The following C4orf33 variants were observed in gnomAD, a reference collection of about 807,000 sequenced individuals.
C4orf33 encodes UPF0462 protein C4orf33.
Under a neutral mutation model 24.3 loss-of-function variants are expected in C4orf33, and 20 were observed. That is an observed-to-expected ratio of 0.82 (90% CI 0.58 to 1.19). C4orf33 has a LOEUF of 1.19. Ranked by LOEUF, C4orf33 falls within the 50% of genes most tolerant of loss-of-function variation. C4orf33 has a pLI of 0.00. For synonymous variants in C4orf33, 67 were observed against 76.4 expected (o/e 0.88, Z 0.64); for missense variants, 207 against 225.9 (o/e 0.92, Z 0.54).
At chr4:129,101,234 T>A (rs764667578) in intron 1 of C4orf33, among the ~76,000 whole-genome samples, 62 of 152,218 alleles carry the variant, frequency 4.1e-4, no homozygotes, top group Non-Finnish European at 7.8e-4. Context: ...TTTCTTATGT[T>A]ACACAGAGCT....
intron 2 of C4orf33, among the ~76,000 whole-genome samples, chr4:129,105,054 A>G (rs13114398): frequency 0.15 from 23,075 of 151,842 alleles, 1,852 homozygotes; most frequent in South Asian, 0.21. Flanking sequence ...GTATGTACCT[A>G]TCTATTTTAT....
At chr4:129,100,658 T>G (rs1023609157) in intron 1 of C4orf33, 2 of 152,216 alleles carry the variant, frequency 1.3e-5, no homozygotes, top group African/African-American at 4.8e-5. Context: ...ATCTCTTTAA[T>G]GTATGCAGAA....
chr4:129,098,609 G>T (rs928255217), intron 1 of C4orf33, among the ~76,000 whole-genome samples: 1 of 152,212 alleles, frequency 6.6e-6, no homozygotes, highest in African/African-American at 2.4e-5. Flanking sequence ...CTTCATGCAG[G>T]AAAGGATTCA....
rs564674717 is a variant in C4orf33, at chr4:129,106,238, C to A, written c.182-349C>A. Among the ~76,000 whole-genome samples, 95 of 152,016 alleles carry A rather than the reference C, an allele frequency of 6.2e-4. 1 individual carries two copies. Among genetic ancestry groups the A allele is most frequent in the Non-Finnish European group, 3.4e-4 (23 of 67,900 alleles). On this transcript the variant is annotated intron_variant, in intron 2 of 5. Coordinates refer to ENST00000425929, the MANE Select transcript of C4orf33 (RefSeq NM_001099783.2). Reference sequence around the variant, plus strand: ...CAGTACTCTAATGAATGGCATTATACTTAATTCTTTTCCCAGTTGTCAGAT... The same window carrying A: ...CAGTACTCTAATGAATGGCATTATAATTAATTCTTTTCCCAGTTGTCAGAT...
intron 5 of C4orf33, among the ~76,000 whole-genome samples, chr4:129,110,873 G>A (rs943937325): frequency 3.3e-5 from 5 of 151,176 alleles, no homozygotes; most frequent in African/African-American, 9.7e-5. Context: ...CTCTTACTCT[G>A]GGATTGACAA....
upstream of C4orf33, chr4:129,094,173 T>G (rs1449244324): frequency 6.6e-6 from 1 of 152,218 alleles, no homozygotes; most frequent in African/African-American, 2.4e-5. Flanking sequence ...AAGATAAGCT[T>G]GTTTCCTCAA....
At chr4:129,102,816 T>C (rs1171923469) in intron 2 of C4orf33, 25 bp downstream of exon 2, 2 of 1,581,968 alleles carry the variant, frequency 1.3e-6, no homozygotes, top group Non-Finnish European at 1.7e-6. Flanking sequence ...TGTATTTTAT[T>C]GCAAACATAA....
At chr4:129,102,538 A>G in intron 1 of C4orf33, 64 bp from the exon 2 acceptor site, 1 of 1,283,980 alleles carries the variant, frequency 7.8e-7, no homozygotes, top group Non-Finnish European at 1.1e-6. Flanking sequence ...TTTTCATTTC[A>G]TTTCCAACTA....
intron 1 of C4orf33, among the ~76,000 whole-genome samples, chr4:129,100,440 T>C (rs147875136): frequency 9.9e-4 from 151 of 152,204 alleles, no homozygotes; most frequent in African/African-American, 3.5e-3. Context: ...GCCAAAATAT[T>C]GGACACACCT....
upstream of C4orf33, among the ~76,000 whole-genome samples, chr4:129,095,310 GTACT>G (rs1753166685): frequency 6.6e-6 from 1 of 152,094 alleles, no homozygotes; most frequent in African/African-American, 2.4e-5. Flanking sequence ...TGCCACCTTA[GTACT>G]TACTTCATGC....
intron 2 of C4orf33, among the ~76,000 whole-genome samples, chr4:129,104,096 T>C (rs1041615189): frequency 6.6e-5 from 10 of 152,154 alleles, no homozygotes; most frequent in African/African-American, 2.4e-4. Context: ...TACCTAATTG[T>C]CCAATATCAA....
intron 1 of C4orf33, among the ~76,000 whole-genome samples, chr4:129,101,459 CAT>C (rs1206882748): frequency 2.0e-5 from 3 of 151,978 alleles, no homozygotes; most frequent in Non-Finnish European, 4.4e-5. Flanking sequence ...TTGGATAAAA[CAT>C]AGGATCTAGT....
rs1451314099 is a variant in C4orf33, at chr4:129,111,892, A to C, written c.*101A>C. On this transcript the variant is annotated 3_prime_UTR_variant, in exon 6 of 6. Coordinates refer to ENST00000425929, the MANE Select transcript of C4orf33 (RefSeq NM_001099783.2). The stretch of plus-strand genomic sequence containing the variant: ...TAAGATGTCATGCATACATTTCAAC[A>C]ACAAATATCTTCATAGAAGTCACTG... 1 of 591,236 alleles carries C rather than the reference A, an allele frequency of 1.7e-6. No individual in the cohort carries two copies. Among genetic ancestry groups the C allele is most frequent in the Non-Finnish European group, 3.0e-6 (1 of 336,474 alleles). 36.6% of individuals were successfully genotyped at this position (591,236 alleles called of 1,614,324 possible). A position where few individuals can be genotyped will look rare whatever the true frequency, so the allele number is the denominator to read the frequency against.
intron 1 of C4orf33, among the ~76,000 whole-genome samples, chr4:129,102,357 T>G (rs1365750660): frequency 6.6e-6 from 1 of 152,156 alleles, no homozygotes; most frequent in Admixed American, 6.5e-5. Flanking sequence ...AAAACAAAGT[T>G]AAATAAAAAA....
rs569522487 is a variant in C4orf33, at chr4:129,112,776, A to G, written c.*985A>G. ...TACTCATTTCTTATATATGTTCTCT[A>G]TCTAAAAAGAGAGCTGGTGTAAGAT... On this transcript the variant is annotated 3_prime_UTR_variant, in exon 6 of 6. Coordinates refer to ENST00000425929, the MANE Select transcript of C4orf33 (RefSeq NM_001099783.2). The G allele has an allele frequency of 1.7e-4, 26 of 152,284 alleles. No individual in the cohort carries two copies. Among genetic ancestry groups the G allele is most frequent in the African/African-American group, 5.8e-4 (24 of 41,592 alleles). 9.4% of individuals were successfully genotyped at this position (152,284 alleles called of 1,614,324 possible). A position where few individuals can be genotyped will look rare whatever the true frequency, so the allele number is the denominator to read the frequency against.
At chr4:129,103,305 C>T (rs1753419393) in intron 2 of C4orf33, among the ~76,000 whole-genome samples, 1 of 152,182 alleles carries the variant, frequency 6.6e-6, no homozygotes, top group East Asian at 1.9e-4. Context: ...AGGCGTGAGC[C>T]ACCTTGCCTG....
chr4:129,100,616 TCCCTAGTGGAAAC>T (rs1753324402), intron 1 of C4orf33: 1 of 152,200 alleles, frequency 6.6e-6, no homozygotes, highest in South Asian at 2.1e-4. Flanking sequence ...AATTAAGAAG[TCCCTAGTGGAAAC>T]CCACTGATTA....
In C4orf33 at chr4:129,111,964, T is replaced by C. The variant is rs1461919427; in HGVS notation, c.*173T>C. The C allele has an allele frequency of 4.1e-6, 2 of 485,648 alleles. No individual in the cohort carries two copies. Among genetic ancestry groups the C allele is most frequent in the South Asian group, 3.4e-5 (1 of 29,740 alleles). The allele number at this position is 485,648 out of a possible 1,614,324, so 30.1% of individuals were successfully genotyped here. The stretch of plus-strand genomic sequence containing the variant: ...ATTGTATATGATTAACAAGAAAATA[T>C]ATGATTCTTTGTAGATGATTTCATC... On this transcript the variant is annotated 3_prime_UTR_variant, in exon 6 of 6. Coordinates refer to ENST00000425929, the MANE Select transcript of C4orf33 (RefSeq NM_001099783.2).
rs1272407448 is a variant in C4orf33, at chr4:129,116,604, C to G, written c.*4813C>G. The G allele has an allele frequency of 6.6e-6, 1 of 152,088 alleles. No individual in the cohort carries two copies. The highest frequency in any genetic ancestry group is 2.1e-4 in the South Asian group (1 of 4,824). The allele number at this position is 152,088 out of a possible 1,614,324, so 9.4% of individuals were successfully genotyped here. ...ACCAAACTGTAAATTGAAGTCTGAG[C>G]ATTCAGAGAAATAAAAATTATGCTA... On this transcript the variant is annotated 3_prime_UTR_variant, in exon 6 of 6. Transcript: ENST00000425929.
Sources: allele counts gnomAD v4.1 joint callset (sites outside exome capture counted in the v4.1 genomes callset), GRCh38; gene constraint gnomAD v4.1.1; transcripts MANE v1.5; gene names NCBI Gene and HGNC (gene_info 2026-07-23, HGNC 2026-07-21).